Variants in TRUB2 observed in about 807,000 individuals in gnomAD.
TRUB2 encodes TruB pseudouridine synthase family member 2.
In TRUB2, 31 loss-of-function variants were observed where a neutral mutation model predicts 31.9. That is an observed-to-expected ratio of 0.97 (90% CI 0.73 to 1.31). TRUB2 has a LOEUF of 1.31. TRUB2 is among the 50% of genes most tolerant of loss of function. The probability of loss-of-function intolerance (pLI) is 0.00; values close to 1 mark genes in which losing one functional copy is unlikely to be tolerated. For synonymous variants in TRUB2, 201 were observed against 182.6 expected, an observed-to-expected ratio of 1.10 and a Z score of -0.81; for missense variants, 451 against 439.6, an observed-to-expected ratio of 1.03 and a Z score of -0.23.
chr9:128,317,003 C>T, intron 3 of TRUB2, 149 bp downstream of exon 3: 1 of 666,688 alleles, frequency 1.5e-6, no homozygotes, highest in Non-Finnish European at 2.5e-6. Context: ...CTATCCACTC[C>T]CCAGCTGATC....
chr9:128,317,123 T>C (rs1258470912), intron 3 of TRUB2, 29 bp downstream of exon 3: 3 of 1,552,398 alleles, frequency 1.9e-6, no homozygotes, highest in Non-Finnish European at 2.6e-6. Flanking sequence ...GCCTTATCAC[T>C]GTACCCCCAG....
chr9:128,306,758 CAG>C lies in TRUB2; in HGVS notation c.*2790_*2791del, dbSNP rs1831873829. 6.8e-6 allele frequency: 1 copy of C among 146,512 alleles called. No individual in the cohort carries two copies. Among genetic ancestry groups the C allele is most frequent in the South Asian group, 2.2e-4 (1 of 4,596 alleles). The allele number at this position is 146,512 out of a possible 1,614,324, so 9.1% of individuals were successfully genotyped here. A position where few individuals can be genotyped will look rare whatever the true frequency, so the allele number is the denominator to read the frequency against. ...GCCTTTTTTTTTTTCTTTTCTGAGA[CAG>C]AGTCTCACTCTCTCGTCCAGACTGG... On this transcript the variant is annotated 3_prime_UTR_variant, in exon 8 of 8. Coordinates refer to ENST00000372890, the MANE Select transcript of TRUB2 (RefSeq NM_015679.3).
At chr9:128,312,077 C>T (rs758383277) in intron 5 of TRUB2, among the ~76,000 whole-genome samples, 4 of 151,066 alleles carry the variant, frequency 2.6e-5, no homozygotes, top group Middle Eastern at 3.4e-3. Context: ...CCTCGTGATC[C>T]GCCCGCCTCG....
chr9:128,322,209 A>G, intron 1 of TRUB2, 91 bp downstream of exon 1: 1 of 1,058,618 alleles, frequency 9.4e-7, no homozygotes, highest in African/African-American at 1.6e-5. Flanking sequence ...TGAATAGGTC[A>G]CGTGATTTTG....
rs1554796230 is a variant in TRUB2, at chr9:128,321,693, A to C, written c.147T>G (p.Arg49=). 4.3e-6 allele frequency: 7 copies of C among 1,613,730 alleles called. No individual in the cohort carries two copies. Among genetic ancestry groups the C allele is most frequent in the South Asian group, 2.2e-5 (2 of 91,060 alleles). The change falls in exon 2 of 8, where the codon CGT becomes CGG. Residue 49 remains arginine, a synonymous_variant. Transcript: ENST00000372890. ...NARKPPAPKQ[R]VRFLLGPMEG... ...CCATGGGGCCCAGCAAGAAGCGAAC[A>C]CGCTGTTTAGGAGCGGGAGGCTTCC...
In TRUB2 at chr9:128,315,379, G is replaced by A. The variant is rs573416068; in HGVS notation, c.378+188C>T. On this transcript the variant is annotated intron_variant, in intron 4 of 7. Transcript: ENST00000372890. The stretch of plus-strand genomic sequence containing the variant: ...GTACAGTGCTCAGCACAGAGTAGTC[G>A]GCATACACTAACACTGGTAGTTATT... Among the ~76,000 whole-genome samples, 18 of 152,240 alleles carry A rather than the reference G, an allele frequency of 1.2e-4. No individual in the cohort carries two copies. In the South Asian group the frequency reaches 1.2e-3, roughly 11 times the overall value.
rs1251136169 is a variant in TRUB2 at position 128,309,138 on chromosome 9, CAT to C, written c.*410_*411del. On this transcript the variant is annotated 3_prime_UTR_variant, in exon 8 of 8. Coordinates refer to ENST00000372890, the MANE Select transcript of TRUB2 (RefSeq NM_015679.3). ...TTTTAATTTTTAATTTTCGTGGGCA[CAT>C]AGTTTATTGAGAATTTTTTTTTTTT... 1 of 170,146 alleles carries C rather than the reference CAT, an allele frequency of 5.9e-6. No individual in the cohort carries two copies. The highest frequency in any genetic ancestry group is 1.3e-5 in the Non-Finnish European group (1 of 78,574). The allele number at this position is 170,146 out of a possible 1,614,324, so 10.5% of individuals were successfully genotyped here.
Position 128,313,826 on chromosome 9 carries a change from C to T in TRUB2, c.442G>A (p.Val148Ile). The change falls in exon 5 of 8, where the codon GTA becomes ATA. Residue 148 changes from valine to isoleucine, a missense_variant. By Grantham distance (29) the Val-to-Ile change is conservative. Transcript: ENST00000372890. ...TTCTCACCATAGGTTGTCTTCTCTA[C>T]CAGCCTCCCGTCCTCACGGAAGTCA... ...TDDFREDGRL[V>I]EKTTYDHVTR... 1.2e-6 allele frequency: 2 copies of T among 1,614,206 alleles called. No homozygotes were observed. The highest frequency in any genetic ancestry group is 1.1e-5 in the South Asian group (1 of 91,084).
In TRUB2 at chr9:128,322,436, C is replaced by G. The variant is rs1360985951; in HGVS notation, c.-28G>C. The G allele has an allele frequency of 3.7e-6, 6 of 1,611,624 alleles. No individual in the cohort carries two copies. The highest frequency in any genetic ancestry group is 5.1e-6 in the Non-Finnish European group (6 of 1,178,064). On this transcript the variant is annotated 5_prime_UTR_variant, in exon 1 of 8. Transcript: ENST00000372890. The stretch of plus-strand genomic sequence containing the variant: ...TTGAAGATCACAGCACCCGCTGGAC[C>G]TGGACGGAAGTACCGCCAGGCCCCG...
In TRUB2 at chr9:128,309,706, C is replaced by T. The variant is rs1831932790; in HGVS notation, c.840G>A (p.Gln280=). 3.1e-6 allele frequency: 5 copies of T among 1,614,120 alleles called. No homozygotes were observed. The African/African-American group carries it at 6.7e-5, about 22-fold the overall frequency. The change falls in exon 8 of 8, where the codon CAG becomes CAA. Residue 280 remains glutamine, a synonymous_variant. Transcript: ENST00000372890. The stretch of plus-strand genomic sequence containing the variant: ...GAGGGGTAGCAGCCCGGATAGCATC[C>T]TGGATGTTGGTTAGGTCCCACTGGG... The part of the protein sequence containing the change: ...LRTQWDLTNI[Q]DAIRAATPQV...
Position 128,321,748 on chromosome 9 carries a change from A to G in TRUB2, c.110-18T>C. ...ATTGAGACCTGAACACACAGAGATA[A>G]TATATACACACATACATACAAATAT... On this transcript the variant is annotated intron_variant, in intron 1 of 7. Coordinates refer to ENST00000372890, the MANE Select transcript of TRUB2 (RefSeq NM_015679.3). 1.9e-6 allele frequency: 3 copies of G among 1,610,488 alleles called. No homozygotes were observed. The highest frequency in any genetic ancestry group is 2.5e-6 in the Non-Finnish European group (3 of 1,178,600).
At chr9:128,322,270 G>C (rs376308828) in intron 1 of TRUB2, 30 bp downstream of exon 1, 3 of 1,572,790 alleles carry the variant, frequency 1.9e-6, no homozygotes, top group Non-Finnish European at 2.6e-6. Context: ...GAACGAGAGC[G>C]GGAACGTGGG....
At chr9:128,319,684 G>A (rs1832129127) in intron 2 of TRUB2, among the ~76,000 whole-genome samples, 1 of 150,410 alleles carries the variant, frequency 6.6e-6, no homozygotes, top group Admixed American at 6.6e-5. Flanking sequence ...TTTCACCCAG[G>A]CTGGAGTGCA....
chr9:128,319,719 ACCTCTG>A (rs1832130025), intron 2 of TRUB2, among the ~76,000 whole-genome samples: 3 of 149,256 alleles, frequency 2.0e-5, no homozygotes, highest in African/African-American at 7.4e-5. Flanking sequence ...GCTCACCACA[ACCTCTG>A]CCTCCCAGGT....
intron 2 of TRUB2, among the ~76,000 whole-genome samples, chr9:128,319,977 A>T (rs1588529839): frequency 6.6e-6 from 1 of 151,038 alleles, no homozygotes; most frequent in Non-Finnish European, 1.5e-5. Context: ...GTGCAGTGGC[A>T]CGATCTCCGC....
intron 2 of TRUB2, among the ~76,000 whole-genome samples, chr9:128,321,131 G>A (rs981204175): frequency 1.3e-5 from 2 of 152,246 alleles, no homozygotes; most frequent in African/African-American, 2.4e-5. Flanking sequence ...ATCACCTTGA[G>A]TGGATTCAAC....
At position 128,315,593 on chromosome 9, in the gene TRUB2, C is replaced by T. The variant is rs140486544; in HGVS notation, c.352G>A (p.Asp118Asn). The T allele has an allele frequency of 7.4e-6, 12 of 1,613,536 alleles. No homozygotes were observed. The highest frequency in any genetic ancestry group is 5.0e-5 in the Admixed American group (3 of 59,904). ...TTGGTAAGATGAGCATTGTACATAT[C>T]GGTGAGGAGCCTGCATCCATGTCCC... ...GVGHGCRLLT[D>N]MYNAHLTKDY... Residue 118 changes from aspartate to asparagine, a missense_variant, in exon 4 of 8, where the codon GAT becomes AAT. Asp to Asn is a conservative substitution (Grantham distance 23). Transcript: ENST00000372890.
Position 128,308,217 on chromosome 9 carries a change from GAGACTCCGTCTC to G in TRUB2, c.*1321_*1332del, listed in dbSNP as rs1348336809. 7.1e-6 allele frequency: 1 copy of G among 140,490 alleles called. No homozygotes were observed. The highest frequency in any genetic ancestry group is 1.5e-5 in the Non-Finnish European group (1 of 65,034). 8.7% of individuals were successfully genotyped at this position (140,490 alleles called of 1,614,324 possible). ...TGCACTCCAACCTGGATGACGGAGT[GAGACTCCGTCTC>G]AGAAAAAAAAAAAACCAAAACAGGC... On this transcript the variant is annotated 3_prime_UTR_variant, in exon 8 of 8. Transcript: ENST00000372890.
intron 3 of TRUB2, 38 bp downstream of exon 3, chr9:128,317,114 C>G: frequency 6.5e-7 from 1 of 1,540,728 alleles, no homozygotes; most frequent in Non-Finnish European, 8.8e-7. Flanking sequence ...TTTTCTCAAG[C>G]CTTATCACTG....
Sources: gnomAD v4.1 joint callset for allele counts (sites outside exome capture counted in the v4.1 genomes callset) on GRCh38, gnomAD v4.1.1 for gene constraint, MANE v1.5 for transcripts, NCBI Gene and HGNC (gene_info 2026-07-23, HGNC 2026-07-21) for gene names.